The following TTC6 variants were observed in gnomAD, a reference collection of about 807,000 sequenced individuals.
TTC6 encodes tetratricopeptide repeat protein 6.
TTC6 carries 172 observed loss-of-function variants against 210.4 expected under a neutral mutation model. The ratio of observed to expected loss-of-function variants is 0.82; its 90% CI spans 0.72 to 0.93. The LOEUF (loss-of-function observed/expected upper bound fraction) is 0.93. Ranked by LOEUF, TTC6 falls within the 40% of genes least tolerant of loss-of-function variation. The pLI is 0.00. For synonymous variants in TTC6, 804 were observed against 819.6 expected (o/e 0.98, Z 0.32); for missense variants, 2,414 against 2,318.1 (o/e 1.04, Z -0.85).
chr14:37,725,298 A>ATGTGTG (rs61712288), intron 7 of TTC6, among the ~76,000 whole-genome samples: 34 of 64,212 alleles, frequency 5.3e-4, no homozygotes, highest in South Asian at 1.1e-3. Context: ...ATATGTATGT[A>ATGTGTG]TGTGTGTGTG....
intron 20 of TTC6, among the ~76,000 whole-genome samples, chr14:37,800,444 C>T (rs577839539): frequency 6.6e-6 from 1 of 152,216 alleles, no homozygotes; most frequent in Non-Finnish European, 1.5e-5. Context: ...CCAGGACTTG[C>T]TTATGAGGAA....
intron 2 of TTC6, among the ~76,000 whole-genome samples, chr14:37,611,901 G>T (rs985916630): frequency 2.0e-5 from 3 of 152,032 alleles, no homozygotes; most frequent in African/African-American, 7.2e-5. Flanking sequence ...GACACTGTGG[G>T]CTTAATGCAA....
At position 37,598,672 on chromosome 14, in the gene TTC6, G is replaced by A. The variant is rs1289555596; in HGVS notation, c.-235+2664G>A. On this transcript the variant is annotated intron_variant, in intron 1 of 2. Coordinates refer to the TTC6 transcript ENST00000556845. The surrounding 1 kb of genome is among the most constrained non-coding windows in gnomAD (Gnocchi z 4.9). ...GAGAGGCCGCGGCCTCGGGCCTCGGGCCCCGGGCCCAGACGGCGGCCTCTC... is the reference window on the plus strand; with the variant it reads ...GAGAGGCCGCGGCCTCGGGCCTCGGACCCCGGGCCCAGACGGCGGCCTCTC... Among the ~76,000 whole-genome samples, 1 of 152,168 alleles carries A rather than the reference G, an allele frequency of 6.6e-6. No individual in the cohort carries two copies. Among genetic ancestry groups the A allele is most frequent in the African/African-American group, 2.4e-5 (1 of 41,458 alleles).
intron 2 of TTC6, among the ~76,000 whole-genome samples, chr14:37,610,466 C>T (rs1464593864): frequency 1.3e-5 from 2 of 152,086 alleles, no homozygotes; most frequent in African/African-American, 4.8e-5. Flanking sequence ...CATGTGTGGG[C>T]CTGCTAAGTG....
At chr14:37,622,030 T>G (rs1028384351), upstream of TTC6, 2 of 1,438,200 alleles carry the variant, frequency 1.4e-6, no homozygotes, top group African/African-American at 2.9e-5. Flanking sequence ...ATGTGATTGT[T>G]TTGGGGGCTT....
At chr14:37,663,098 T>C (rs1470028434) in intron 1 of TTC6, among the ~76,000 whole-genome samples, 1 of 152,190 alleles carries the variant, frequency 6.6e-6, no homozygotes, top group African/African-American at 2.4e-5. Context: ...ATTGTAGAGC[T>C]CTTTCACCTC....
At chr14:37,652,909 T>G (rs571409037) in intron 1 of TTC6, among the ~76,000 whole-genome samples, 2 of 152,364 alleles carry the variant, frequency 1.3e-5, no homozygotes, top group East Asian at 3.9e-4. Flanking sequence ...TAACATTTCC[T>G]TTGTCAAGTA....
At chr14:37,773,380 C>T (rs181548982) in intron 14 of TTC6, among the ~76,000 whole-genome samples, 1 of 152,218 alleles carries the variant, frequency 6.6e-6, no homozygotes, top group East Asian at 1.9e-4. Flanking sequence ...GGTTATCATG[C>T]AGAGGTTTTA....
intron 10 of TTC6, among the ~76,000 whole-genome samples, chr14:37,740,583 C>A (rs1042625310): frequency 6.6e-6 from 1 of 152,146 alleles, no homozygotes; most frequent in African/African-American, 2.4e-5. Context: ...AAGACTGGGG[C>A]ATAGTACTTC....
exon 22 of TTC6, chr14:37,806,391 G>A (rs990263835): frequency 4.6e-6 from 7 of 1,535,280 alleles, no homozygotes; most frequent in African/African-American, 4.1e-5. Flanking sequence ...AGCTGTGAAA[G>A]CAAATCCAGA....
chr14:37,598,339 C>T lies in TTC6; in HGVS notation c.-235+2331C>T, dbSNP rs982240339. Among the ~76,000 whole-genome samples the T allele has an allele frequency of 6.6e-6, 1 of 152,086 alleles. No individual in the cohort carries two copies. Among genetic ancestry groups the T allele is most frequent in the African/African-American group, 2.4e-5 (1 of 41,424 alleles). ...AAGACGGGTCTGCGACAGCTTGGGG[C>T]GGTCCAGGTCGCGGGGAGGGCGGGC... On this transcript the variant is annotated intron_variant, in intron 1 of 2. Coordinates refer to the TTC6 transcript ENST00000556845. This position sits in a 1 kb window ranked among gnomAD's most constrained non-coding sequence, Gnocchi z 4.9.
intron 17 of TTC6, 30 bp from the exon 20 acceptor site, chr14:37,795,240 G>A: frequency 6.9e-7 from 1 of 1,448,512 alleles, no homozygotes; most frequent in South Asian, 1.2e-5. Context: ...GATGTTATTA[G>A]GAGCTAAATT....
intron 14 of TTC6, among the ~76,000 whole-genome samples, chr14:37,773,911 G>C (rs1341024364): frequency 6.6e-6 from 1 of 151,920 alleles, no homozygotes; most frequent in Non-Finnish European, 1.5e-5. Flanking sequence ...TTTTTCGTTT[G>C]TTTGTGGTCA....
At chr14:37,722,657 T>G (rs540618606) in intron 6 of TTC6, among the ~76,000 whole-genome samples, 1 of 152,284 alleles carries the variant, frequency 6.6e-6, no homozygotes, top group South Asian at 2.1e-4. Flanking sequence ...TTCTCTGATT[T>G]GATTCGATTA....
intron 1 of TTC6, among the ~76,000 whole-genome samples, chr14:37,654,150 G>A (rs1346454523): frequency 7.2e-5 from 11 of 152,184 alleles, no homozygotes; most frequent in African/African-American, 2.7e-4. Context: ...GGGGCCTGTT[G>A]TGAGGGGACT....
intron 2 of TTC6, among the ~76,000 whole-genome samples, chr14:37,611,100 G>C (rs529834123): frequency 6.6e-6 from 1 of 152,240 alleles, no homozygotes; most frequent in Non-Finnish European, 1.5e-5. Flanking sequence ...GTCCGAGGCT[G>C]CCCCGGAGCG....
intron 2 of TTC6, among the ~76,000 whole-genome samples, chr14:37,609,711 T>A (rs1166463640): frequency 6.6e-6 from 1 of 152,242 alleles, no homozygotes; most frequent in African/African-American, 2.4e-5. Flanking sequence ...TAATTTGAAC[T>A]ATTTTTTCAG....
chr14:37,601,808 G>A (rs2095616101), intron 1 of TTC6, among the ~76,000 whole-genome samples: 1 of 152,160 alleles, frequency 6.6e-6, no homozygotes, highest in Non-Finnish European at 1.5e-5. Context: ...ATATAGGGTG[G>A]TCAACGTGTG....
chr14:37,694,529 A>C (rs2095810736), intron 3 of TTC6, among the ~76,000 whole-genome samples: 1 of 152,154 alleles, frequency 6.6e-6, no homozygotes, highest in African/African-American at 2.4e-5. Context: ...TTCCTCAAAA[A>C]ACTAAAAATA....
Sources: allele counts gnomAD v4.1 joint callset (sites outside exome capture counted in the v4.1 genomes callset), GRCh38; gene constraint gnomAD v4.1.1; non-coding constraint Gnocchi (gnomAD v3.1); transcripts MANE v1.5; gene names NCBI Gene and HGNC (gene_info 2026-07-23, HGNC 2026-07-21).